CCSER1: variants seen among roughly 807,000 people sequenced by gnomAD.
CCSER1 encodes serine-rich coiled-coil domain-containing protein 1.
CCSER1 carries 41 observed loss-of-function variants against 82.0 expected under a neutral mutation model. The ratio of observed to expected loss-of-function variants is 0.50; its 90% CI spans 0.39 to 0.65. The LOEUF is 0.65. CCSER1 is among the 30% of genes least tolerant of loss of function. CCSER1 has a pLI of 0.00. For synonymous variants in CCSER1, 414 were observed against 383.9 expected (o/e 1.08, Z -0.92); for missense variants, 1,119 against 1,064.2 (o/e 1.05, Z -0.72).
chr4:91,387,748 A>G (rs1440481429), intron 10 of CCSER1, among the ~76,000 whole-genome samples: 1 of 152,058 alleles, frequency 6.6e-6, no homozygotes, highest in Non-Finnish European at 1.5e-5. Context: ...GATAAGACAG[A>G]TAAGAGAGAT....
At chr4:90,212,558 A>C (rs1740224837) in intron 1 of CCSER1, among the ~76,000 whole-genome samples, 2 of 152,182 alleles carry the variant, frequency 1.3e-5, no homozygotes, top group African/African-American at 4.8e-5. Flanking sequence ...GTAGAGAATA[A>C]ATTTAACCCT....
At chr4:90,253,553 G>C (rs1722753904) in intron 1 of CCSER1, among the ~76,000 whole-genome samples, 1 of 152,078 alleles carries the variant, frequency 6.6e-6, no homozygotes, top group Admixed American at 6.6e-5. Flanking sequence ...AAACTCAGCT[G>C]TTATTGTTAT....
intron 10 of CCSER1, among the ~76,000 whole-genome samples, chr4:91,177,568 AT>A (rs1316847069): frequency 2.0e-5 from 3 of 151,894 alleles, no homozygotes; most frequent in Non-Finnish European, 2.9e-5. Flanking sequence ...GTGTCCAGGA[AT>A]TTTTCCATTT....
intron 7 of CCSER1, among the ~76,000 whole-genome samples, chr4:90,760,891 G>A (rs2149519044): frequency 6.6e-6 from 1 of 152,190 alleles, no homozygotes; most frequent in Non-Finnish European, 1.5e-5. Context: ...TACTCATAGT[G>A]TGGTAATAGA....
chr4:90,346,469 C>T (rs1171690720), intron 3 of CCSER1, among the ~76,000 whole-genome samples: 1 of 152,022 alleles, frequency 6.6e-6, no homozygotes, highest in Non-Finnish European at 1.5e-5. Flanking sequence ...TTAGATTATA[C>T]TCAATATAAT....
At chr4:91,449,279 G>C (rs1440499978) in intron 10 of CCSER1, among the ~76,000 whole-genome samples, 2 of 151,986 alleles carry the variant, frequency 1.3e-5, no homozygotes, top group Non-Finnish European at 2.9e-5. Flanking sequence ...CCACTAATTA[G>C]GGTTGGTCTA....
chr4:90,568,881 C>G (rs1223867075), intron 5 of CCSER1, among the ~76,000 whole-genome samples: 2 of 151,814 alleles, frequency 1.3e-5, no homozygotes, highest in African/African-American at 4.8e-5. Flanking sequence ...AATTCTCCTG[C>G]CTCAGCCTCC....
intron 4 of CCSER1, among the ~76,000 whole-genome samples, chr4:90,428,115 G>C (rs1757780178): frequency 6.6e-6 from 1 of 151,658 alleles, no homozygotes; most frequent in African/African-American, 2.4e-5. Flanking sequence ...CAATATATCT[G>C]CTAAAAGTAT....
chr4:90,335,169 C>T (rs1579248117), intron 3 of CCSER1, among the ~76,000 whole-genome samples: 2 of 152,066 alleles, frequency 1.3e-5, no homozygotes, highest in South Asian at 2.1e-4. Flanking sequence ...AAACAAGTAG[C>T]CAGAGATGCA....
intron 7 of CCSER1, among the ~76,000 whole-genome samples, chr4:90,724,381 A>G (rs1408589268): frequency 6.6e-6 from 1 of 151,994 alleles, no homozygotes; most frequent in African/African-American, 2.4e-5. Flanking sequence ...GTTACCAATA[A>G]TTAATGATGT....
intron 5 of CCSER1, among the ~76,000 whole-genome samples, chr4:90,514,254 T>G (rs1771942769): frequency 6.6e-6 from 1 of 152,304 alleles, no homozygotes; most frequent in Middle Eastern, 3.4e-3. Context: ...ATATATTTTC[T>G]AATACAATTT....
At chr4:90,845,120 TG>T (rs1561236443) in intron 8 of CCSER1, among the ~76,000 whole-genome samples, 1 of 152,214 alleles carries the variant, frequency 6.6e-6, no homozygotes, top group African/African-American at 2.4e-5. Context: ...CCCAACACTC[TG>T]GGGGGCCGAG....
Position 91,150,756 on chromosome 4 carries a change from A to G in CCSER1, c.2217+64762A>G, listed in dbSNP as rs137939326. ...GTGGTTTTTGTCTTTGGTTCTGTTT[A>G]TATGATGGATTACATTTATTGATTT... On this transcript the variant is annotated intron_variant, in intron 10 of 10. Coordinates refer to ENST00000509176, the MANE Select transcript of CCSER1 (RefSeq NM_001145065.2). Among the ~76,000 whole-genome samples the G allele has an allele frequency of 8.6e-3, 1,314 of 152,292 alleles. 10 individuals carry two copies. The highest frequency in any genetic ancestry group is 0.037 in the Middle Eastern group (11 of 294).
At position 91,278,015 on chromosome 4, in the gene CCSER1, T is replaced by C. The variant is rs531673513; in HGVS notation, c.2217+192021T>C. Reference sequence around the variant, plus strand: ...TAAAGTTCCTATAGTTATTGATTTCTAGTTTTATTCTATGGTGGCCTGAGA... The same window carrying C: ...TAAAGTTCCTATAGTTATTGATTTCCAGTTTTATTCTATGGTGGCCTGAGA... On this transcript the variant is annotated intron_variant, in intron 10 of 10. Coordinates refer to ENST00000509176, the MANE Select transcript of CCSER1 (RefSeq NM_001145065.2). Among the ~76,000 whole-genome samples the C allele has an allele frequency of 2.0e-5, 3 of 152,260 alleles. No individual in the cohort carries two copies. The South Asian group carries it at 6.2e-4, about 32-fold the overall frequency.
intron 7 of CCSER1, among the ~76,000 whole-genome samples, chr4:90,809,083 T>G (rs1757905498): frequency 6.6e-6 from 1 of 152,118 alleles, no homozygotes; most frequent in East Asian, 1.9e-4. Context: ...TTTGGGATGC[T>G]GGGGTAGGAG....
intron 9 of CCSER1, among the ~76,000 whole-genome samples, chr4:91,006,293 T>G (rs1738498471): frequency 6.6e-6 from 1 of 152,052 alleles, no homozygotes; most frequent in Non-Finnish European, 1.5e-5. Flanking sequence ...AGATTTTTTT[T>G]GTGTGCTATC....
chr4:90,331,963 AT>A (rs1007521744), intron 3 of CCSER1, among the ~76,000 whole-genome samples: 2 of 151,846 alleles, frequency 1.3e-5, no homozygotes, highest in East Asian at 1.9e-4. Context: ...CTCTATTTTT[AT>A]TTTTTCCCCT....
intron 6 of CCSER1, among the ~76,000 whole-genome samples, chr4:90,654,248 C>T (rs1729302513): frequency 6.6e-6 from 1 of 151,978 alleles, no homozygotes; most frequent in African/African-American, 2.4e-5. Flanking sequence ...TTTAACAACA[C>T]TTAATTATTT....
At chr4:90,739,872 G>C (rs1746261778) in intron 7 of CCSER1, among the ~76,000 whole-genome samples, 1 of 152,122 alleles carries the variant, frequency 6.6e-6, no homozygotes. Context: ...ATTCAAAACT[G>C]TCTTTCTTAT....
Sources: allele counts gnomAD v4.1 joint callset (sites outside exome capture counted in the v4.1 genomes callset), GRCh38; gene constraint gnomAD v4.1.1; transcripts MANE v1.5; gene names NCBI Gene and HGNC (gene_info 2026-07-23, HGNC 2026-07-21).